ANKRD28: variants seen among roughly 807,000 people sequenced by gnomAD.
ANKRD28 encodes serine/threonine-protein phosphatase 6 regulatory ankyrin repeat subunit A.
Under a neutral mutation model 126.5 loss-of-function variants are expected in ANKRD28, and 44 were observed. The ratio of observed to expected loss-of-function variants is 0.35; its 90% confidence interval spans 0.27 to 0.45. The LOEUF (loss-of-function observed/expected upper bound fraction) is 0.45, where lower values mean the gene tolerates loss of function less well. Among genes scored for constraint, ANKRD28 ranks in the 20% least tolerant of loss-of-function variants. The probability of loss-of-function intolerance (pLI) is 1.00; values close to 1 mark genes in which losing one functional copy is unlikely to be tolerated. For missense variants in ANKRD28, 1,110 were observed against 1,316.6 expected, an observed-to-expected ratio of 0.84 and a Z score of 2.43; for synonymous variants, 442 against 468.5, an observed-to-expected ratio of 0.94 and a Z score of 0.73.
chr3:15,744,277 G>A (rs1043710398), intron 4 of ANKRD28, among the ~76,000 whole-genome samples: 3 of 152,100 alleles, frequency 2.0e-5, no homozygotes. Context: ...TCCTGCAAAA[G>A]AGTATCAATA....
At chr3:15,675,470 G>A (rs774994497) in intron 27 of ANKRD28, among the ~76,000 whole-genome samples, 3 of 152,220 alleles carry the variant, frequency 2.0e-5, no homozygotes, top group South Asian at 2.1e-4. Context: ...GGAAGAGAGC[G>A]AAAAATGTTA....
At position 15,817,184 on chromosome 3, in the gene ANKRD28, C is replaced by T. The variant is rs1439495173; in HGVS notation, c.28-21878G>A. Among the ~76,000 whole-genome samples the T allele has an allele frequency of 6.6e-6, 1 of 152,194 alleles. No individual in the cohort carries two copies. Among genetic ancestry groups the T allele is most frequent in the Non-Finnish European group, 1.5e-5 (1 of 68,034 alleles). The stretch of plus-strand genomic sequence containing the variant: ...ATGTCCACTCTACGATTTTCCTTAA[C>T]ATGTAACAGTGATGAACAATTTCTC... On this transcript the variant is annotated intron_variant, in intron 1 of 27. Transcript: ENST00000399451. This position sits in a 1 kb window ranked among gnomAD's most constrained non-coding sequence, Gnocchi z 4.5.
chr3:15,694,926 T>A, intron 16 of ANKRD28, 113 bp from the exon 17 acceptor site: 1 of 981,274 alleles, frequency 1.0e-6, no homozygotes, highest in Non-Finnish European at 1.6e-6. Context: ...TCAGCAAACT[T>A]ATAAAACATG....
intron 2 of ANKRD28, among the ~76,000 whole-genome samples, chr3:15,786,811 G>C (rs180891288): frequency 2.2e-3 from 332 of 152,054 alleles, no homozygotes; most frequent in Admixed American, 3.4e-3. Flanking sequence ...ATTGATACTT[G>C]AGCTTTATAG....
At chr3:15,807,256 A>C (rs534271410) in intron 1 of ANKRD28, among the ~76,000 whole-genome samples, 1 of 152,310 alleles carries the variant, frequency 6.6e-6, no homozygotes, top group East Asian at 1.9e-4. Flanking sequence ...CCTGAAATGC[A>C]AAGGGCCAGG....
intron 8 of ANKRD28, among the ~76,000 whole-genome samples, chr3:15,716,812 T>G (rs1462737504): frequency 6.6e-6 from 1 of 152,174 alleles, no homozygotes; most frequent in Non-Finnish European, 1.5e-5. Flanking sequence ...AAACACTTCA[T>G]ATGGTCAGGC....
intron 2 of ANKRD28, among the ~76,000 whole-genome samples, chr3:15,786,131 A>C (rs1452357189): frequency 1.3e-5 from 2 of 152,086 alleles, no homozygotes; most frequent in South Asian, 4.1e-4. Context: ...GTCCAAACTC[A>C]TTCAATGTAT....
chr3:15,686,054 C>T lies in ANKRD28; in HGVS notation c.2117G>A (p.Gly706Glu). Residue 706 changes from glycine (G) to glutamate (E), a missense_variant, in exon 20 of 28, where the codon GGA becomes GAA. Physicochemically the swap from Gly to Glu is moderately conservative, Grantham distance 98. Transcript: ENST00000683139. ...CTTATCTTTGGCATCTACATTTGCT[C>T]CTTTGTTCAGCAATGAGTAAACACA... is the stretch of plus-strand genomic sequence containing the variant. Reference protein sequence around the residue: ...TDCVYSLLNKGANVDAKDKWG... With the variant: ...TDCVYSLLNKEANVDAKDKWG... 1 of 1,613,780 alleles carries T rather than the reference C, an allele frequency of 6.2e-7. No homozygotes were observed. The highest frequency in any genetic ancestry group is 1.1e-5 in the South Asian group (1 of 90,986).
intron 8 of ANKRD28, among the ~76,000 whole-genome samples, chr3:15,715,626 G>C (rs998529614): frequency 6.6e-6 from 1 of 152,172 alleles, no homozygotes; most frequent in African/African-American, 2.4e-5. Context: ...TCTGGAGTCA[G>C]AATAACCTAA....
At chr3:15,771,111 TAAG>T (rs2058979516) in intron 2 of ANKRD28, among the ~76,000 whole-genome samples, 2 of 152,122 alleles carry the variant, frequency 1.3e-5, no homozygotes, top group African/African-American at 4.8e-5. Context: ...ACAGGCTGTA[TAAG>T]AAGCATGGCA....
intron 5 of ANKRD28, 34 bp downstream of exon 5, chr3:15,736,999 G>C (rs1289360175): frequency 1.9e-6 from 3 of 1,604,122 alleles, no homozygotes; most frequent in East Asian, 4.5e-5. Flanking sequence ...GACAGGAGGA[G>C]AGAAAAATAA....
At chr3:15,756,186 T>C (rs1042524003) in intron 3 of ANKRD28, among the ~76,000 whole-genome samples, 3 of 152,088 alleles carry the variant, frequency 2.0e-5, no homozygotes, top group African/African-American at 7.2e-5. Context: ...CTTTCTAGAG[T>C]AGAGATGTGA....
intron 6 of ANKRD28, among the ~76,000 whole-genome samples, chr3:15,727,168 C>T (rs889490920): frequency 1.3e-5 from 2 of 152,178 alleles, no homozygotes; most frequent in Non-Finnish European, 2.9e-5. Context: ...TTTCAACTTT[C>T]AAAGTCTTAT....
rs768759447 is a variant in ANKRD28, at chr3:15,670,538, G to A, written c.2984C>T (p.Ala995Val). The part of the protein sequence containing the change: ...VDENGYTPAL[A>V]CAPNKDVADC... Reference sequence around the variant, plus strand: ...AGCCACATCCTTATTGGGAGCACAGGCCAAAGCTGGGGTATAGCCTAGAAT... The same window carrying A: ...AGCCACATCCTTATTGGGAGCACAGACCAAAGCTGGGGTATAGCCTAGAAT... Residue 995 changes from alanine to valine, a missense_variant, in exon 28 of 28, where the codon GCC becomes GTC. By Grantham distance (64) the Ala-to-Val change is moderately conservative (BLOSUM62 0). Transcript: ENST00000683139. The A allele has an allele frequency of 1.9e-6, 3 of 1,613,782 alleles. No individual in the cohort carries two copies. Among genetic ancestry groups the A allele is most frequent in the Non-Finnish European group, 1.7e-6 (2 of 1,179,766 alleles).
intron 2 of ANKRD28, among the ~76,000 whole-genome samples, chr3:15,788,827 T>C (rs1575685023): frequency 6.6e-6 from 1 of 152,102 alleles, no homozygotes; most frequent in African/African-American, 2.4e-5. Context: ...GAAAGTCATT[T>C]AGAATTTTTA....
rs1476151626 is a variant in ANKRD28 at position 15,812,143 on chromosome 3, ACT to A, written c.28-16839_28-16838del. Among the ~76,000 whole-genome samples, 1 of 149,408 alleles carries A rather than the reference ACT, an allele frequency of 6.7e-6. No individual in the cohort carries two copies. Among genetic ancestry groups the A allele is most frequent in the Non-Finnish European group, 1.5e-5 (1 of 67,556 alleles). On this transcript the variant is annotated intron_variant, in intron 1 of 27. Transcript: ENST00000399451. This position sits in a 1 kb window ranked among gnomAD's most constrained non-coding sequence, Gnocchi z 4.1. ...ACTCCAGCCTGGGCAACAGAGTGAG[ACT>A]CTGGCAAACAAAACAAAACAAAACA...
Position 15,728,582 on chromosome 3 carries a change from A to T in ANKRD28, c.641-4058T>A, listed in dbSNP as rs189899009. On this transcript the variant is annotated intron_variant, in intron 6 of 27. Transcript: ENST00000683139. ...GATGTTAGGATTACAGGTGTGAGCC[A>T]CTGCAGGGAGACTAAACATATCTTT... is the stretch of plus-strand genomic sequence containing the variant. 3.3e-5 allele frequency among the ~76,000 whole-genome samples: 5 copies of T among 152,336 alleles called. No homozygotes were observed. The East Asian group carries it at 9.6e-4, about 29-fold the overall frequency.
At chr3:15,763,877 T>C (rs1380192451) in intron 3 of ANKRD28, among the ~76,000 whole-genome samples, 1 of 152,220 alleles carries the variant, frequency 6.6e-6, no homozygotes, top group Non-Finnish European at 1.5e-5. Flanking sequence ...GTATTTTTCC[T>C]TTGAAAAATA....
chr3:15,767,350 C>A (rs1435512005), intron 2 of ANKRD28, among the ~76,000 whole-genome samples: 1 of 152,092 alleles, frequency 6.6e-6, no homozygotes, highest in African/African-American at 2.4e-5. Flanking sequence ...AAACTTACAT[C>A]CCTCATTTTT....
Sources: allele counts gnomAD v4.1 joint callset (sites outside exome capture counted in the v4.1 genomes callset), GRCh38; gene constraint gnomAD v4.1.1; non-coding constraint Gnocchi (gnomAD v3.1); transcripts MANE v1.5; gene names NCBI Gene and HGNC (gene_info 2026-07-23, HGNC 2026-07-21).